NXN: variants seen among roughly 807,000 people sequenced by gnomAD.
The protein encoded by NXN is nucleoredoxin 1.
Under a neutral mutation model 48.6 loss-of-function variants are expected in NXN, and 16 were observed. The ratio of observed to expected loss-of-function variants is 0.33; its 90% CI spans 0.22 to 0.50. The LOEUF is 0.50. Among genes scored for constraint, NXN ranks in the 20% least tolerant of loss-of-function variants. NXN has a pLI of 0.98. For missense variants in NXN, 492 were observed against 605.5 expected, an observed-to-expected ratio of 0.81 and a Z score of 1.97; for synonymous variants, 281 against 269.6, an observed-to-expected ratio of 1.04 and a Z score of -0.41.
At chr17:865,423 G>A (rs1018138359) in intron 1 of NXN, among the ~76,000 whole-genome samples, 1 of 150,274 alleles carries the variant, frequency 6.7e-6, no homozygotes, top group Non-Finnish European at 1.5e-5. Context: ...TGTATTTTTA[G>A]GAGAGACGGA....
Position 882,745 on chromosome 17 carries a change from G to A in NXN, c.361-56667C>T, listed in dbSNP as rs545414672. Among the ~76,000 whole-genome samples the A allele has an allele frequency of 3.0e-4, 45 of 150,540 alleles. 1 individual carries two copies. Among genetic ancestry groups the A allele is most frequent in the African/African-American group, 9.5e-4 (39 of 40,860 alleles). ...CTCCCAAAGTGCTGGGATTATAGGCGTTAGCCACCGCACCCGGCCTCTTTG... is the reference window on the plus strand; with the variant it reads ...CTCCCAAAGTGCTGGGATTATAGGCATTAGCCACCGCACCCGGCCTCTTTG... On this transcript the variant is annotated intron_variant, in intron 1 of 7. Transcript: ENST00000336868.
Position 889,345 on chromosome 17 carries a change from C to T in NXN, c.361-63267G>A, listed in dbSNP as rs75678817. Among the ~76,000 whole-genome samples the T allele has an allele frequency of 5.9e-3, 897 of 152,320 alleles. 11 individuals are homozygous for T. The highest frequency in any genetic ancestry group is 0.021 in the African/African-American group (854 of 41,568). On this transcript the variant is annotated intron_variant, in intron 1 of 7. Transcript: ENST00000336868. ...CTGAAAAGCTCTAAGCCCTGCTACC[C>T]GCAGTGATCCTGCATCGGAGGCAAA...
chr17:851,968 C>T (rs2067928214), intron 1 of NXN, among the ~76,000 whole-genome samples: 1 of 152,204 alleles, frequency 6.6e-6, no homozygotes, highest in South Asian at 2.1e-4. Context: ...TAACCAGAGA[C>T]TTGAAATGGA....
chr17:895,355 G>C (rs988101573), intron 1 of NXN, among the ~76,000 whole-genome samples: 3 of 151,902 alleles, frequency 2.0e-5, no homozygotes, highest in Admixed American at 6.6e-5. Flanking sequence ...CTAATGGAGA[G>C]AGGAAGAAAA....
At chr17:814,362 C>G (rs1445334116) in intron 5 of NXN, among the ~76,000 whole-genome samples, 1 of 152,158 alleles carries the variant, frequency 6.6e-6, no homozygotes, top group Non-Finnish European at 1.5e-5. Flanking sequence ...ACCGGCAACC[C>G]ACGGGCCCTC....
chr17:954,156 T>C (rs1031084751), intron 1 of NXN, among the ~76,000 whole-genome samples: 3 of 152,092 alleles, frequency 2.0e-5, no homozygotes, highest in Non-Finnish European at 4.4e-5. Flanking sequence ...GGTGGGCGGA[T>C]CACCTGAGGT....
chr17:801,443 C>T (rs374480672), intron 7 of NXN, among the ~76,000 whole-genome samples: 62 of 104,268 alleles, frequency 5.9e-4, no homozygotes, highest in East Asian at 1.7e-3. Flanking sequence ...ATGTCACATT[C>T]TTTTTTTTTT....
intron 1 of NXN, among the ~76,000 whole-genome samples, chr17:944,019 C>T (rs1038876399): frequency 6.6e-6 from 1 of 152,070 alleles, no homozygotes; most frequent in Non-Finnish European, 1.5e-5. Context: ...GGGTGGATCA[C>T]CTGAGGTCAG....
At chr17:851,352 C>T (rs1046441163) in intron 1 of NXN, among the ~76,000 whole-genome samples, 1 of 152,266 alleles carries the variant, frequency 6.6e-6, no homozygotes, top group African/African-American at 2.4e-5. Context: ...CAGCCTTGGG[C>T]TGCAGACGGG....
chr17:909,492 C>T (rs1485324736), intron 1 of NXN: 2 of 150,992 alleles, frequency 1.3e-5, no homozygotes, highest in Admixed American at 6.6e-5. Context: ...GACAGCACTT[C>T]TCGACTTCTG....
rs1373147457 is a variant in NXN, at chr17:920,933, G to A, written c.360+58386C>T. ...AGACGGGGTTTTGCCATGTTAGCCA[G>A]GCTGGTCTTGAACTCCTGACCTCAA... On this transcript the variant is annotated intron_variant, in intron 1 of 7. Coordinates refer to ENST00000336868, the MANE Select transcript of NXN (RefSeq NM_022463.5). This position sits in a 1 kb window ranked among gnomAD's most constrained non-coding sequence, Gnocchi z 4.6. 6.6e-6 allele frequency among the ~76,000 whole-genome samples: 1 copy of A among 152,078 alleles called. No individual in the cohort carries two copies. The highest frequency in any genetic ancestry group is 1.9e-4 in the East Asian group (1 of 5,188).
At chr17:843,761 T>C (rs1453833698) in intron 1 of NXN, among the ~76,000 whole-genome samples, 1 of 152,210 alleles carries the variant, frequency 6.6e-6, no homozygotes, top group Non-Finnish European at 1.5e-5. Context: ...ACGCTCACTC[T>C]GAGTAGCACC....
chr17:849,366 C>G lies in NXN; in HGVS notation c.361-23288G>C, dbSNP rs2067899116. On this transcript the variant is annotated intron_variant, in intron 1 of 7. Coordinates refer to ENST00000336868, the MANE Select transcript of NXN (RefSeq NM_022463.5). This position sits in a 1 kb window ranked among gnomAD's most constrained non-coding sequence, Gnocchi z 4.2. ...TGGCAAACAGGGTGAAATCTCATCT[C>G]TACTAAAAATACAAAAATTAGCTGG... is the stretch of plus-strand genomic sequence containing the variant. 6.6e-6 allele frequency among the ~76,000 whole-genome samples: 1 copy of G among 152,294 alleles called. No individual in the cohort carries two copies. Among genetic ancestry groups the G allele is most frequent in the South Asian group, 2.1e-4 (1 of 4,830 alleles).
chr17:806,942 A>ACACACG (rs1339595534), intron 5 of NXN, among the ~76,000 whole-genome samples: 3 of 149,358 alleles, frequency 2.0e-5, no homozygotes, highest in Non-Finnish European at 4.4e-5. Flanking sequence ...ACACACACAC[A>ACACACG]CACACGCACG....
intron 1 of NXN, among the ~76,000 whole-genome samples, chr17:900,968 T>C (rs1473716285): frequency 2.1e-5 from 3 of 142,032 alleles, no homozygotes; most frequent in Non-Finnish European, 4.6e-5. Flanking sequence ...TTGCCCAGCC[T>C]AGAGTGCAAT....
At chr17:864,684 G>C (rs1178377604) in intron 1 of NXN, among the ~76,000 whole-genome samples, 1 of 152,176 alleles carries the variant, frequency 6.6e-6, no homozygotes, top group African/African-American at 2.4e-5. Context: ...TTTCCAACCT[G>C]ATTATAAGAG....
intron 1 of NXN, among the ~76,000 whole-genome samples, chr17:896,141 A>G (rs2144884842): frequency 6.6e-6 from 1 of 151,932 alleles, no homozygotes; most frequent in Admixed American, 6.5e-5. Flanking sequence ...GGAGTTCGAG[A>G]CCAGCCTGAC....
chr17:919,529 G>T lies in NXN; in HGVS notation c.360+59790C>A, dbSNP rs1316314459. Among the ~76,000 whole-genome samples, 1 of 152,152 alleles carries T rather than the reference G, an allele frequency of 6.6e-6. No homozygotes were observed. Among genetic ancestry groups the T allele is most frequent in the Non-Finnish European group, 1.5e-5 (1 of 68,028 alleles). The stretch of plus-strand genomic sequence containing the variant: ...AGCACAACCAGAAATTAAAGTGGCA[G>T]TTTTGGGAGGACGCAGTCAAACGGC... On this transcript the variant is annotated intron_variant, in intron 1 of 7. Transcript: ENST00000336868. The surrounding 1 kb of genome is among the most constrained non-coding windows in gnomAD (Gnocchi z 5.1).
chr17:806,717 G>C (rs73975536), intron 5 of NXN, among the ~76,000 whole-genome samples: 7,069 of 152,230 alleles, frequency 0.046, 524 homozygotes, highest in African/African-American at 0.15. Flanking sequence ...TCCCTGTCGG[G>C]GGGATGCCGA....
Sources: allele counts gnomAD v4.1 joint callset (sites outside exome capture counted in the v4.1 genomes callset), GRCh38; gene constraint gnomAD v4.1.1; non-coding constraint Gnocchi (gnomAD v3.1); transcripts MANE v1.5; gene names NCBI Gene and HGNC (gene_info 2026-07-23, HGNC 2026-07-21).